The following EMC3 variants were observed in gnomAD, a reference collection of about 807,000 sequenced individuals.
EMC3 encodes the protein ER membrane protein complex subunit 3, also known as 30 kDa protein.
EMC3 carries 13 observed loss-of-function variants against 36.6 expected under a neutral mutation model. The observed-to-expected ratio is 0.35, with a 90% CI of 0.23 to 0.56. The LOEUF (loss-of-function observed/expected upper bound fraction) is 0.56, where lower values mean the gene tolerates loss of function less well. Among genes scored for constraint, EMC3 ranks in the 20% least tolerant of loss-of-function variants. The pLI, the probability that EMC3 is intolerant of heterozygous loss-of-function variation, is 0.84. For missense variants in EMC3, 220 were observed against 324.5 expected (o/e 0.68, Z 2.47); for synonymous variants, 120 against 111.9 (o/e 1.07, Z -0.46).
chr3:9,986,473 G>C, intron 1 of EMC3, 34 bp downstream of exon 1: 1 of 1,609,078 alleles, frequency 6.2e-7, no homozygotes, highest in Non-Finnish European at 8.5e-7. Flanking sequence ...GGTCACGGCG[G>C]TGTGAGGTAG....
chr3:9,965,972 A>ACATT (rs2124897932), intron 7 of EMC3, among the ~76,000 whole-genome samples: 2 of 152,308 alleles, frequency 1.3e-5, no homozygotes, highest in Admixed American at 1.3e-4. Context: ...TGCTCTGAAC[A>ACATT]CATTCTCACA....
chr3:9,973,574 C>T (rs773517062), intron 5 of EMC3, 54 bp downstream of exon 5: 52 of 1,523,808 alleles, frequency 3.4e-5, no homozygotes, highest in South Asian at 3.1e-4. Context: ...ATCCTCCCGC[C>T]TTGGCTTCCC....
intron 4 of EMC3, among the ~76,000 whole-genome samples, chr3:9,973,994 G>T (rs1026221334): frequency 6.6e-6 from 1 of 152,156 alleles, no homozygotes; most frequent in Non-Finnish European, 1.5e-5. Flanking sequence ...ACTCTAAGTG[G>T]AATATATAAG....
chr3:9,980,318 C>T (rs2085896377), intron 1 of EMC3, among the ~76,000 whole-genome samples: 2 of 150,424 alleles, frequency 1.3e-5, no homozygotes, highest in Non-Finnish European at 3.0e-5. Context: ...CCAGCCAGGT[C>T]CCACTGTATT....
At chr3:9,965,008 C>G (rs2085722367) in intron 7 of EMC3, among the ~76,000 whole-genome samples, 1 of 151,448 alleles carries the variant, frequency 6.6e-6, no homozygotes, top group East Asian at 1.9e-4. Flanking sequence ...GAGGCTGAGG[C>G]TAAGGATAGC....
chr3:9,997,033 G>T (rs766527019), intron 1 of EMC3, among the ~76,000 whole-genome samples: 25 of 151,802 alleles, frequency 1.6e-4, no homozygotes, highest in Non-Finnish European at 2.9e-4. Flanking sequence ...TCCATTTCTA[G>T]AACTTCTGAT....
chr3:9,998,678 T>C (rs1431112575), intron 1 of EMC3, among the ~76,000 whole-genome samples: 1 of 152,138 alleles, frequency 6.6e-6, no homozygotes, highest in Non-Finnish European at 1.5e-5. Context: ...TGACTAATGA[T>C]GTTAAGCATC....
intron 7 of EMC3, chr3:9,968,997 G>A (rs6796411): frequency 0.4 from 60,645 of 151,620 alleles, 17,596 homozygotes; most frequent in African/African-American, 0.83. Flanking sequence ...TTTTTTTTTT[G>A]TATCTTTAGT....
chr3:9,970,276 G>A (rs192142699), intron 6 of EMC3, among the ~76,000 whole-genome samples: 1 of 152,284 alleles, frequency 6.6e-6, no homozygotes, highest in African/African-American at 2.4e-5. Flanking sequence ...TCAATGAACT[G>A]ACAAACCAAG....
intron 7 of EMC3, among the ~76,000 whole-genome samples, chr3:9,965,207 G>A (rs1168951938): frequency 6.6e-6 from 1 of 151,706 alleles, no homozygotes; most frequent in Non-Finnish European, 1.5e-5. Context: ...GGGAGTTCAA[G>A]ACCAGCCTGG....
upstream of EMC3, chr3:9,987,825 G>A (rs2085996173): frequency 3.4e-6 from 2 of 592,440 alleles, no homozygotes; most frequent in African/African-American, 3.8e-5. Flanking sequence ...TCTTTCAGGA[G>A]ATTGTCATGG....
chr3:9,981,069 G>C (rs537214578), intron 1 of EMC3, among the ~76,000 whole-genome samples: 1 of 152,172 alleles, frequency 6.6e-6, no homozygotes, highest in Non-Finnish European at 1.5e-5. Flanking sequence ...GCCAGGTGCA[G>C]TGGCGTGTGC....
intron 1 of EMC3, among the ~76,000 whole-genome samples, chr3:10,002,292 A>G (rs948682379): frequency 3.3e-5 from 5 of 149,358 alleles, no homozygotes; most frequent in Non-Finnish European, 5.9e-5. Context: ...ATTTTATTTT[A>G]TTTTATTTTA....
Position 9,973,684 on chromosome 3 carries a change from G to A in EMC3, c.438C>T (p.Leu146=), listed in dbSNP as rs554565943. The part of the protein sequence containing the change: ...VTTKVPFPLT[L]RFKPMLQQGI... ...CTTGCTGTAACATAGGCTTAAAACGGAGGGTCAGTGGAAATGGGACCTTGG... is the reference window on the plus strand; with the variant it reads ...CTTGCTGTAACATAGGCTTAAAACGAAGGGTCAGTGGAAATGGGACCTTGG... Residue 146 remains leucine (L), a synonymous_variant, in exon 5 of 8, where the codon CTC becomes CTT. Transcript: ENST00000245046. The A allele has an allele frequency of 1.9e-5, 30 of 1,614,064 alleles. No individual in the cohort carries two copies. The Admixed American group carries it at 4.5e-4, about 24-fold the overall frequency.
chr3:9,998,780 G>T (rs2086161926), intron 1 of EMC3, among the ~76,000 whole-genome samples: 1 of 152,050 alleles, frequency 6.6e-6, no homozygotes, highest in Non-Finnish European at 1.5e-5. Flanking sequence ...TTTCAGAGAT[G>T]AGGTCTCACT....
chr3:9,993,794 GT>G (rs1242852082), intron 1 of EMC3, among the ~76,000 whole-genome samples: 1 of 119,092 alleles, frequency 8.4e-6, no homozygotes, highest in Non-Finnish European at 1.8e-5. Context: ...AAAAAAGTCA[GT>G]TTAGTTAGCA....
intron 7 of EMC3, chr3:9,969,461 G>T (rs1024231292): frequency 7.3e-7 from 1 of 1,366,500 alleles, no homozygotes; most frequent in African/African-American, 1.5e-5. Context: ...CCTCCGATTG[G>T]ATTATTTTAC....
Position 9,996,382 on chromosome 3 carries a change from C to G in EMC3, c.-241-9480G>C, listed in dbSNP as rs142078744. On this transcript the variant is annotated intron_variant, in intron 1 of 8. Coordinates refer to the EMC3 transcript ENST00000470827. The stretch of plus-strand genomic sequence containing the variant: ...ATCCATTGAACCCAGGGAGTTGAGG[C>G]TACAGTGAGCCATGATTGTGCCACT... Among the ~76,000 whole-genome samples, 246 of 152,150 alleles carry G rather than the reference C, an allele frequency of 1.6e-3. 4 individuals are homozygous for G. The highest frequency in any genetic ancestry group is 0.011 in the South Asian group (51 of 4,818).
intron 1 of EMC3, chr3:10,008,414 A>AT: frequency 7.3e-7 from 1 of 1,367,672 alleles, no homozygotes; most frequent in Non-Finnish European, 9.8e-7. Context: ...CTGGGCCGGC[A>AT]TGCAGGCCGG....
Sources: allele counts gnomAD v4.1 joint callset (sites outside exome capture counted in the v4.1 genomes callset), GRCh38; gene constraint gnomAD v4.1.1; transcripts MANE v1.5; gene names NCBI Gene and HGNC (gene_info 2026-07-23, HGNC 2026-07-21).